The following WIPF3 variants were observed in gnomAD, a reference collection of about 807,000 sequenced individuals.
WIPF3 encodes the protein WAS/WASL-interacting protein family member 3.
WIPF3 carries 33 observed loss-of-function variants against 38.9 expected under a neutral mutation model. That is an observed-to-expected ratio of 0.85 (90% CI 0.64 to 1.14). The LOEUF is 1.14. WIPF3 is among the 50% of genes most tolerant of loss of function. The pLI, the probability that WIPF3 is intolerant of heterozygous loss-of-function variation, is 0.00. For missense variants in WIPF3, 711 were observed against 652.5 expected (o/e 1.09, Z -0.98); for synonymous variants, 324 against 269.3 (o/e 1.20, Z -1.99).
In WIPF3 at chr7:29,914,525, A is replaced by T; in HGVS notation, c.*9A>T. On this transcript the variant is annotated 3_prime_UTR_variant, in exon 9 of 9. Coordinates refer to ENST00000242140, the MANE Select transcript of WIPF3 (RefSeq NM_001080529.3). ...TAAAGACTCTTCGGTGAGAAGACAG[A>T]TGAAGCGAAGGTCCTGGGGTTCCAG... 2.0e-6 allele frequency: 3 copies of T among 1,519,204 alleles called. No homozygotes were observed. The highest frequency in any genetic ancestry group is 2.7e-6 in the Non-Finnish European group (3 of 1,131,216). The allele number at this position is 1,519,204 out of a possible 1,614,324, so 94.1% of individuals were successfully genotyped here.
chr7:29,894,788 C>T lies in WIPF3; in HGVS notation c.1351+5381C>T, dbSNP rs543027135. Among the ~76,000 whole-genome samples the T allele has an allele frequency of 2.7e-5, 4 of 150,060 alleles. No homozygotes were observed. In the East Asian group the frequency reaches 5.8e-4, roughly 22 times the overall value. On this transcript the variant is annotated intron_variant, in intron 7 of 8. Coordinates refer to ENST00000242140, the MANE Select transcript of WIPF3 (RefSeq NM_001080529.3). Reference sequence around the variant, plus strand: ...TGACACACACACACACACACACACACGACACACACACGAGCACACACGCTT... The same window carrying T: ...TGACACACACACACACACACACACATGACACACACACGAGCACACACGCTT...
intron 2 of WIPF3, among the ~76,000 whole-genome samples, chr7:29,865,819 G>A (rs142991167): frequency 3.5e-4 from 54 of 152,294 alleles, no homozygotes; most frequent in Middle Eastern, 3.4e-3. Flanking sequence ...ACCCAGAGGC[G>A]TCTGTTGGAC....
intron 2 of WIPF3, among the ~76,000 whole-genome samples, chr7:29,870,363 C>G (rs1785473612): frequency 6.6e-6 from 1 of 152,022 alleles, no homozygotes; most frequent in Non-Finnish European, 1.5e-5. Flanking sequence ...ACATGAAAAC[C>G]ACATAAGGGA....
In WIPF3 at chr7:29,811,803, C is replaced by T. The variant is rs149830143; in HGVS notation, c.-58+5125C>T. On this transcript the variant is annotated intron_variant, in intron 1 of 8. Coordinates refer to ENST00000242140, the MANE Select transcript of WIPF3 (RefSeq NM_001080529.3). Reference sequence around the variant, plus strand: ...ATAATCCCACACAGCTCAGTAAAAGCTCTTTGCAGGGCCAAAATGCTGTGG... The same window carrying T: ...ATAATCCCACACAGCTCAGTAAAAGTTCTTTGCAGGGCCAAAATGCTGTGG... Among the ~76,000 whole-genome samples the T allele has an allele frequency of 3.5e-4, 53 of 152,316 alleles. 2 individuals are homozygous for T. The South Asian group carries it at 5.4e-3, about 15-fold the overall frequency.
intron 1 of WIPF3, among the ~76,000 whole-genome samples, chr7:29,831,298 C>T (rs1784716575): frequency 1.3e-5 from 2 of 152,172 alleles, no homozygotes; most frequent in South Asian, 4.1e-4. Flanking sequence ...TGCCGTTGGC[C>T]ATGGGTTGTC....
chr7:29,856,489 A>G (rs966324313), intron 2 of WIPF3, among the ~76,000 whole-genome samples: 3 of 152,092 alleles, frequency 2.0e-5, no homozygotes, highest in Non-Finnish European at 4.4e-5. Flanking sequence ...TTAGCCGAGC[A>G]TGTTGGTGTG....
chr7:29,887,089 G>A (rs1055208771), intron 5 of WIPF3, among the ~76,000 whole-genome samples: 2 of 152,232 alleles, frequency 1.3e-5, no homozygotes, highest in Non-Finnish European at 2.9e-5. Context: ...TGATGACTGA[G>A]AATGCCTGCT....
chr7:29,892,331 G>A (rs943118451), intron 7 of WIPF3, among the ~76,000 whole-genome samples: 3 of 152,188 alleles, frequency 2.0e-5, no homozygotes, highest in East Asian at 1.9e-4. Context: ...ATAGTGGGCC[G>A]GAAGGAGCCA....
Position 29,884,264 on chromosome 7 carries a change from T to TTGCCCCCCCCC in WIPF3, c.770_771insTGCCCCCCCCC (p.Pro258AlafsTer120). ...AAGCCTCAGCTGGCTCCCTTGCACC[T>TTGCCCCCCCCC]CCCGCCCATCCCGCCCCCGCTCCCT... On this transcript the variant is annotated frameshift_variant, in exon 5 of 9. Coordinates refer to ENST00000242140, the MANE Select transcript of WIPF3 (RefSeq NM_001080529.3). LOFTEE classifies it high-confidence loss of function. 31 of 1,315,260 alleles carry TTGCCCCCCCCC rather than the reference T, an allele frequency of 2.4e-5. No individual in the cohort carries two copies. The highest frequency in any genetic ancestry group is 6.2e-5 in the African/African-American group (3 of 48,558). The allele number at this position is 1,315,260 out of a possible 1,614,324, so 81.5% of individuals were successfully genotyped here.
intron 4 of WIPF3, among the ~76,000 whole-genome samples, chr7:29,883,056 T>C (rs914837031): frequency 5.3e-5 from 8 of 152,208 alleles, no homozygotes; most frequent in Non-Finnish European, 1.2e-4. Context: ...AGGCCCCTCC[T>C]GGGGACGTGC....
chr7:29,817,108 T>C (rs1029086466), intron 1 of WIPF3, among the ~76,000 whole-genome samples: 2 of 152,194 alleles, frequency 1.3e-5, no homozygotes, highest in African/African-American at 4.8e-5. Context: ...AGGAATAACA[T>C]TGAGGGTCTT....
chr7:29,860,377 A>G (rs73686257), intron 2 of WIPF3, among the ~76,000 whole-genome samples: 7,398 of 152,062 alleles, frequency 0.049, 549 homozygotes, highest in African/African-American at 0.16. Context: ...TTCTTGCTGT[A>G]TTAGTTCCCT....
chr7:29,821,621 C>T (rs74345814), intron 1 of WIPF3, among the ~76,000 whole-genome samples: 5,143 of 152,240 alleles, frequency 0.034, 314 homozygotes, highest in African/African-American at 0.12. Flanking sequence ...TTAAATCTTC[C>T]TTTTGAAAAG....
At chr7:29,860,874 C>T (rs950311888) in intron 2 of WIPF3, among the ~76,000 whole-genome samples, 1 of 151,822 alleles carries the variant, frequency 6.6e-6, no homozygotes. Context: ...TTATTGAGCT[C>T]TGTATCACAA....
At chr7:29,852,211 G>T (rs951380945) in intron 2 of WIPF3, among the ~76,000 whole-genome samples, 2 of 152,000 alleles carry the variant, frequency 1.3e-5, no homozygotes, top group Non-Finnish European at 2.9e-5. Context: ...TCGCTTTGTT[G>T]CCCAGGCTGG....
chr7:29,830,809 T>C (rs1784706540), intron 1 of WIPF3, among the ~76,000 whole-genome samples: 1 of 152,116 alleles, frequency 6.6e-6, no homozygotes, highest in Non-Finnish European at 1.5e-5. Flanking sequence ...ACATAAAATG[T>C]CTTAGAAGTC....
At chr7:29,822,841 C>T (rs1047578881) in intron 1 of WIPF3, among the ~76,000 whole-genome samples, 2 of 152,010 alleles carry the variant, frequency 1.3e-5, no homozygotes, top group African/African-American at 2.4e-5. Flanking sequence ...ATATTTTTAC[C>T]GTCTTAAAAC....
intron 1 of WIPF3, among the ~76,000 whole-genome samples, chr7:29,828,603 T>C (rs533904912): frequency 6.6e-5 from 10 of 152,030 alleles, no homozygotes; most frequent in African/African-American, 2.4e-4. Flanking sequence ...AAGTAGGGGG[T>C]TCTGGCCAAT....
chr7:29,861,426 TA>T (rs900132129), intron 2 of WIPF3, among the ~76,000 whole-genome samples: 2 of 152,202 alleles, frequency 1.3e-5, no homozygotes, highest in African/African-American at 2.4e-5. Flanking sequence ...AGATTTTTCT[TA>T]AATACACAGG....
Sources: gnomAD v4.1 joint callset for allele counts (sites outside exome capture counted in the v4.1 genomes callset) on GRCh38, gnomAD v4.1.1 for gene constraint, MANE v1.5 for transcripts, NCBI Gene and HGNC (gene_info 2026-07-23, HGNC 2026-07-21) for gene names.